The following RMST variants were observed in gnomAD, a reference collection of about 807,000 sequenced individuals.
RMST encodes long intergenic non-protein coding RNA 54.
intron 10 of RMST, among the ~76,000 whole-genome samples, chr12:97,511,001 G>T (rs1441269026): frequency 2.0e-5 from 3 of 151,562 alleles, no homozygotes; most frequent in Non-Finnish European, 4.4e-5. Flanking sequence ...TGCAGCCACA[G>T]TTACGAAAAT....
At chr12:97,522,312 A>G (rs1880594935) in intron 10 of RMST, among the ~76,000 whole-genome samples, 1 of 152,208 alleles carries the variant, frequency 6.6e-6, no homozygotes, top group African/African-American at 2.4e-5. Flanking sequence ...TTACTTCCTA[A>G]TAGTAAATAA....
intron 5 of RMST, among the ~76,000 whole-genome samples, chr12:97,473,980 C>G (rs942036522): frequency 6.6e-6 from 1 of 151,986 alleles, no homozygotes; most frequent in African/African-American, 2.4e-5. Context: ...GAAAAAAGAG[C>G]CTTGACTATT....
intron 11 of RMST, among the ~76,000 whole-genome samples, chr12:97,531,329 AAG>A: frequency 6.6e-6 from 1 of 152,162 alleles, no homozygotes; most frequent in African/African-American, 2.4e-5. Context: ...AAGGAAAGCT[AAG>A]GTCTTGACTT....
At chr12:97,492,862 G>T (rs1276648344) in intron 6 of RMST, 2 of 152,066 alleles carry the variant, frequency 1.3e-5, no homozygotes, top group East Asian at 3.8e-4. Flanking sequence ...AAAAGATTTT[G>T]ATTTTGGAGA....
intron 11 of RMST, among the ~76,000 whole-genome samples, chr12:97,535,355 C>T (rs1419484875): frequency 1.3e-5 from 2 of 151,680 alleles, no homozygotes; most frequent in Non-Finnish European, 3.0e-5. Context: ...CTGTGTATTA[C>T]TTTGGAATCA....
chr12:97,493,469 T>C (rs1877072575), intron 7 of RMST, among the ~76,000 whole-genome samples: 1 of 152,242 alleles, frequency 6.6e-6, no homozygotes, highest in South Asian at 2.1e-4. Flanking sequence ...TTCTCTTATT[T>C]ATTTTCTTAG....
At chr12:97,486,059 A>G (rs1014156505) in intron 5 of RMST, among the ~76,000 whole-genome samples, 2 of 152,254 alleles carry the variant, frequency 1.3e-5, no homozygotes, top group African/African-American at 2.4e-5. Flanking sequence ...TTATTCTACA[A>G]TACTAGCAAG....
chr12:97,489,653 G>T lies in RMST; in HGVS notation n.645-2808G>T, dbSNP rs146499627. Among the ~76,000 whole-genome samples, 1,475 of 152,216 alleles carry T rather than the reference G, an allele frequency of 9.7e-3. 65 individuals carry two copies. The highest frequency in any genetic ancestry group is 0.088 in the Admixed American group (1,343 of 15,276). On this transcript the variant is annotated intron_variant and non_coding_transcript_variant, in intron 5 of 13. Transcript: ENST00000640149. ...GTGCTGAAAGGATTTCCTGTGAGAA[G>T]AACCAATTTTTCTTAAATATGTGTT...
intron 10 of RMST, among the ~76,000 whole-genome samples, chr12:97,503,929 T>C (rs1032281656): frequency 2.0e-5 from 3 of 152,290 alleles, no homozygotes; most frequent in Non-Finnish European, 4.4e-5. Context: ...AAAACTTTTT[T>C]TTTTCTTCTT....
At chr12:97,512,369 G>C (rs1043342287) in intron 10 of RMST, among the ~76,000 whole-genome samples, 1 of 152,124 alleles carries the variant, frequency 6.6e-6, no homozygotes, top group Non-Finnish European at 1.5e-5. Flanking sequence ...GCGTGTAAGG[G>C]GACCCGAGCC....
At chr12:97,481,142 A>G (rs1419562219) in intron 5 of RMST, among the ~76,000 whole-genome samples, 1 of 152,176 alleles carries the variant, frequency 6.6e-6, no homozygotes, top group Non-Finnish European at 1.5e-5. Flanking sequence ...ATGCATTTAT[A>G]TATTTTTTAA....
intron 11 of RMST, among the ~76,000 whole-genome samples, chr12:97,552,630 T>G (rs1448114287): frequency 6.6e-6 from 1 of 152,186 alleles, no homozygotes; most frequent in African/African-American, 2.4e-5. Context: ...TTTAAGTTTG[T>G]TTTGTGTACC....
intron 11 of RMST, among the ~76,000 whole-genome samples, chr12:97,547,015 G>A (rs1386142851): frequency 6.6e-6 from 1 of 151,478 alleles, no homozygotes; most frequent in Non-Finnish European, 1.5e-5. Context: ...TTAAACTTTT[G>A]TAGATTCCAC....
intron 11 of RMST, among the ~76,000 whole-genome samples, chr12:97,542,049 G>A (rs1363535099): frequency 6.6e-6 from 1 of 151,858 alleles, no homozygotes; most frequent in Non-Finnish European, 1.5e-5. Context: ...ATTCATTCAT[G>A]TATTCCTTCA....
intron 11 of RMST, among the ~76,000 whole-genome samples, chr12:97,544,968 A>G (rs886526666): frequency 6.6e-6 from 1 of 152,144 alleles, no homozygotes; most frequent in Non-Finnish European, 1.5e-5. Context: ...AATGACATCT[A>G]TTAATAGGCA....
chr12:97,468,386 T>C (rs1429749695), intron 5 of RMST, among the ~76,000 whole-genome samples: 11 of 152,076 alleles, frequency 7.2e-5, no homozygotes. Flanking sequence ...CCTGAATCCT[T>C]CTAAAGTTGC....
chr12:97,515,107 A>G (rs776332072), intron 10 of RMST, among the ~76,000 whole-genome samples: 5 of 152,170 alleles, frequency 3.3e-5, no homozygotes, highest in Non-Finnish European at 7.4e-5. Flanking sequence ...ATCATGATCA[A>G]TGAAAACTAA....
At chr12:97,520,348 C>G (rs1565930279) in intron 10 of RMST, among the ~76,000 whole-genome samples, 2 of 152,102 alleles carry the variant, frequency 1.3e-5, no homozygotes, top group Admixed American at 1.3e-4. Flanking sequence ...TTTTAGTCAA[C>G]CTTTCTTATT....
chr12:97,546,785 T>C (rs988173442), intron 11 of RMST, among the ~76,000 whole-genome samples: 1 of 152,128 alleles, frequency 6.6e-6, no homozygotes, highest in Non-Finnish European at 1.5e-5. Flanking sequence ...ATACATTATC[T>C]CACATACTTA....
Sources: allele counts gnomAD v4.1 joint callset (sites outside exome capture counted in the v4.1 genomes callset), GRCh38; gene constraint gnomAD v4.1.1; transcripts MANE v1.5; gene names NCBI Gene and HGNC (gene_info 2026-07-23, HGNC 2026-07-21).